CCDC181: variants seen among roughly 807,000 people sequenced by gnomAD.
The protein encoded by CCDC181 is coiled-coil domain containing 181.
Under a neutral mutation model 58.7 loss-of-function variants are expected in CCDC181, and 35 were observed. The observed-to-expected ratio is 0.60, with a 90% CI of 0.46 to 0.79. The LOEUF (loss-of-function observed/expected upper bound fraction) is 0.79. CCDC181 is among the 30% of genes least tolerant of loss of function. The pLI, the probability that CCDC181 is intolerant of heterozygous loss-of-function variation, is 0.00. For missense variants in CCDC181, 517 were observed against 583.9 expected, an observed-to-expected ratio of 0.89 and a Z score of 1.18; for synonymous variants, 183 against 197.5, an observed-to-expected ratio of 0.93 and a Z score of 0.62.
intron 1 of CCDC181, among the ~76,000 whole-genome samples, 182 bp downstream of exon 1, chr1:169,427,106 T>TC (rs1252770803): frequency 6.6e-6 from 1 of 151,938 alleles, no homozygotes; most frequent in Non-Finnish European, 1.5e-5. Flanking sequence ...TTACCAGACT[T>TC]CCCCACCAGT....
At chr1:169,418,565 G>T (rs532645749) in intron 4 of CCDC181, among the ~76,000 whole-genome samples, 59 of 150,734 alleles carry the variant, frequency 3.9e-4, no homozygotes, top group African/African-American at 1.4e-3. Context: ...GTAAGAATAT[G>T]AATGATTTTT....
At chr1:169,413,354 A>G (rs546545911) in intron 4 of CCDC181, among the ~76,000 whole-genome samples, 1 of 152,362 alleles carries the variant, frequency 6.6e-6, no homozygotes, top group African/African-American at 2.4e-5. Context: ...CGATCATTAA[A>G]AAGTCAGGAA....
rs115103076 is a variant in CCDC181 at position 169,398,411 on chromosome 1, A to G, written c.1216-1020T>C. ...CATAAATATGTGAAATTATGTGTCA[A>G]TTAAATACAATTTTAAAGTTAAAAT... On this transcript the variant is annotated intron_variant, in intron 4 of 5. Coordinates refer to ENST00000367806, the MANE Select transcript of CCDC181 (RefSeq NM_001300969.2). Among the ~76,000 whole-genome samples the G allele has an allele frequency of 2.0e-3, 300 of 152,364 alleles. 4 individuals carry two copies. Among genetic ancestry groups the G allele is most frequent in the African/African-American group, 7.0e-3 (291 of 41,592 alleles).
chr1:169,401,234 T>A (rs1655329325), intron 4 of CCDC181, among the ~76,000 whole-genome samples: 1 of 152,158 alleles, frequency 6.6e-6, no homozygotes, highest in South Asian at 2.1e-4. Context: ...AAGACACAGC[T>A]GAACAAAAGG....
intron 2 of CCDC181, among the ~76,000 whole-genome samples, chr1:169,441,274 C>T (rs1034160034): frequency 6.6e-6 from 1 of 152,072 alleles, no homozygotes; most frequent in Non-Finnish European, 1.5e-5. Context: ...AAGTTCATCA[C>T]TTTTTCTGAT....
At chr1:169,433,502 T>G (rs1656973508) in intron 2 of CCDC181, among the ~76,000 whole-genome samples, 1 of 152,010 alleles carries the variant, frequency 6.6e-6, no homozygotes, top group Non-Finnish European at 1.5e-5. Flanking sequence ...AGAACAAAGT[T>G]GGAGCACTAA....
intron 4 of CCDC181, among the ~76,000 whole-genome samples, chr1:169,408,527 G>T (rs1337964217): frequency 6.6e-6 from 1 of 152,244 alleles, no homozygotes; most frequent in African/African-American, 2.4e-5. Context: ...GGATTTCCCA[G>T]CACAGTGCTT....
At chr1:169,428,415 G>A (rs904609633), upstream of CCDC181, among the ~76,000 whole-genome samples, 1 of 152,176 alleles carries the variant, frequency 6.6e-6, no homozygotes, top group Non-Finnish European at 1.5e-5. Context: ...GCTGGAAGTA[G>A]ACCCTAGGTT....
At chr1:169,416,512 T>C (rs1656221472) in intron 4 of CCDC181, among the ~76,000 whole-genome samples, 1 of 152,236 alleles carries the variant, frequency 6.6e-6, no homozygotes, top group African/African-American at 2.4e-5. Context: ...TTATTTAATA[T>C]AGAACCTTAC....
intron 2 of CCDC181, among the ~76,000 whole-genome samples, chr1:169,445,806 T>G (rs896522703): frequency 2.0e-5 from 3 of 152,192 alleles, no homozygotes; most frequent in African/African-American, 7.2e-5. Context: ...ACACTATTTT[T>G]TTTAATAGAT....
chr1:169,403,458 G>C (rs1162973032), intron 4 of CCDC181, among the ~76,000 whole-genome samples: 1 of 152,172 alleles, frequency 6.6e-6, no homozygotes, highest in Admixed American at 6.5e-5. Context: ...ATTACAAACT[G>C]TCTCTCAGAC....
At chr1:169,428,743 T>C (rs1656816615), upstream of CCDC181, among the ~76,000 whole-genome samples, 1 of 151,974 alleles carries the variant, frequency 6.6e-6, no homozygotes, top group East Asian at 1.9e-4. Flanking sequence ...TCAACCTCCA[T>C]CTCCCGGGTT....
At chr1:169,450,084 A>T (rs1657493433) in intron 2 of CCDC181, among the ~76,000 whole-genome samples, 1 of 152,156 alleles carries the variant, frequency 6.6e-6, no homozygotes, top group Non-Finnish European at 1.5e-5. Flanking sequence ...ATTAAATTTC[A>T]ATTTTTTAGT....
At chr1:169,449,512 C>T (rs1037584842) in intron 2 of CCDC181, among the ~76,000 whole-genome samples, 18 of 152,192 alleles carry the variant, frequency 1.2e-4, no homozygotes, top group Non-Finnish European at 1.0e-4. Context: ...CACAACAGGC[C>T]ATCTGCAAAC....
At chr1:169,433,630 C>T (rs966116067) in intron 2 of CCDC181, among the ~76,000 whole-genome samples, 1 of 152,014 alleles carries the variant, frequency 6.6e-6, no homozygotes, top group African/African-American at 2.4e-5. Flanking sequence ...TAAACTCTCA[C>T]ATATATGGTC....
chr1:169,426,287 G>A (rs1260032000), intron 1 of CCDC181, among the ~76,000 whole-genome samples: 1 of 152,060 alleles, frequency 6.6e-6, no homozygotes, highest in Non-Finnish European at 1.5e-5. Context: ...CATCACCAGG[G>A]TACTGTCCAT....
At chr1:169,446,124 C>G (rs1233870231) in intron 2 of CCDC181, among the ~76,000 whole-genome samples, 2 of 151,994 alleles carry the variant, frequency 1.3e-5, no homozygotes, top group African/African-American at 4.8e-5. Context: ...TTTTATGTTT[C>G]TTTTCTTCTG....
At chr1:169,413,993 A>C (rs1656102946) in intron 4 of CCDC181, among the ~76,000 whole-genome samples, 3 of 150,210 alleles carry the variant, frequency 2.0e-5, no homozygotes, top group African/African-American at 7.4e-5. Flanking sequence ...CTTTCTGCAC[A>C]CGTATCCCAG....
intron 1 of CCDC181, chr1:169,459,919 A>C (rs973479599): frequency 1.1e-4 from 17 of 150,740 alleles, no homozygotes; most frequent in African/African-American, 4.2e-4. Flanking sequence ...AAAAAAAAAA[A>C]AAAAAAAAAA....
Sources: allele counts gnomAD v4.1 joint callset (sites outside exome capture counted in the v4.1 genomes callset), GRCh38; gene constraint gnomAD v4.1.1; transcripts MANE v1.5; gene names NCBI Gene and HGNC (gene_info 2026-07-23, HGNC 2026-07-21).